The following COQ8B variants were observed in gnomAD, a reference collection of about 807,000 sequenced individuals.
COQ8B encodes coenzyme Q8B.
Under a neutral mutation model 62.0 loss-of-function variants are expected in COQ8B, and 44 were observed. That is an observed-to-expected ratio of 0.71 (90% CI 0.56 to 0.91). COQ8B has a LOEUF of 0.91. Ranked by LOEUF, COQ8B falls within the 40% of genes least tolerant of loss-of-function variation. COQ8B has a pLI of 0.00. For synonymous variants in COQ8B, 252 were observed against 289.9 expected (o/e 0.87, Z 1.33); for missense variants, 649 against 731.6 (o/e 0.89, Z 1.30).
At chr19:40,707,470 A>C (rs1373111602) in intron 5 of COQ8B, among the ~76,000 whole-genome samples, 1 of 146,642 alleles carries the variant, frequency 6.8e-6, no homozygotes, top group South Asian at 2.1e-4. Flanking sequence ...TTTTTTTTTG[A>C]AACAGTGTCT....
In COQ8B at chr19:40,710,148, GAGA is replaced by G. The variant is rs748172185; in HGVS notation, c.290-15_290-13del. 1.2e-6 allele frequency: 2 copies of G among 1,613,938 alleles called. No homozygotes were observed. Among genetic ancestry groups the G allele is most frequent in the Admixed American group, 1.7e-5 (1 of 60,014 alleles). On this transcript the variant is annotated splice_polypyrimidine_tract_variant and intron_variant, in intron 4 of 14. Coordinates refer to ENST00000324464, the MANE Select transcript of COQ8B (RefSeq NM_024876.4). ...GCCCACAGCCAGTCCTGGAGTGCAA[GAGA>G]AGAACATGAGTGCCCGTTTGCCTGG...
chr19:40,715,106 G>C (rs1285593974), intron 1 of COQ8B: 2 of 986,572 alleles, frequency 2.0e-6, no homozygotes, highest in Admixed American at 6.1e-5. Flanking sequence ...CTGTGCTTCC[G>C]GGAGCCTCTG....
chr19:40,695,687 T>G (rs995360027), intron 13 of COQ8B, among the ~76,000 whole-genome samples: 1 of 152,156 alleles, frequency 6.6e-6, no homozygotes, highest in African/African-American at 2.4e-5. Flanking sequence ...CCAAGTCTGC[T>G]GTGATCTTGG....
rs142015573 is a variant in COQ8B, at chr19:40,694,484, C to A, written c.1210-1447G>T. Among the ~76,000 whole-genome samples the A allele has an allele frequency of 6.1e-3, 926 of 152,352 alleles. 9 individuals are homozygous for A. The highest frequency in any genetic ancestry group is 0.023 in the South Asian group (109 of 4,832). On this transcript the variant is annotated intron_variant, in intron 13 of 14. Transcript: ENST00000324464. ...CCTCGTCACTGTGCTGCCCCCCGAC[C>A]TGCCCTCCCACTCAGAATGGGAGCT...
intron 5 of COQ8B, among the ~76,000 whole-genome samples, chr19:40,708,567 G>A (rs568117524): frequency 1.3e-5 from 2 of 152,068 alleles, no homozygotes; most frequent in South Asian, 2.1e-4. Context: ...TGGCAGAGTG[G>A]GGTGTAGACT....
intron 6 of COQ8B, 52 bp downstream of exon 6, chr19:40,705,273 G>A: frequency 6.3e-7 from 1 of 1,587,142 alleles, no homozygotes. Context: ...TTGGTGGGTA[G>A]GGCTGGGGTA....
At chr19:40,700,239 G>A (rs2082050636) in intron 11 of COQ8B, 65 bp from the exon 12 acceptor site, 1 of 1,612,246 alleles carries the variant, frequency 6.2e-7, no homozygotes, top group Non-Finnish European at 8.5e-7. Flanking sequence ...TGCTGGCCTG[G>A]AGAGAGACCA....
intron 6 of COQ8B, 66 bp from the exon 7 acceptor site, chr19:40,705,247 C>G: frequency 3.8e-6 from 6 of 1,594,268 alleles, no homozygotes; most frequent in Non-Finnish European, 5.1e-6. Context: ...GTGTGAGTAT[C>G]TGAAGTTGGG....
At chr19:40,692,440 G>A (rs2081980176) in intron 14 of COQ8B, 67 bp from the exon 15 acceptor site, 1 of 1,409,546 alleles carries the variant, frequency 7.1e-7, no homozygotes, top group Non-Finnish European at 9.8e-7. Context: ...GCATAACCCA[G>A]AAACAACGTG....
chr19:40,700,076 G>A lies in COQ8B; in HGVS notation c.1134C>T (p.Ser378=). 6.2e-7 allele frequency: 1 copy of A among 1,614,150 alleles called. No homozygotes were observed. The highest frequency in any genetic ancestry group is 1.1e-5 in the South Asian group (1 of 91,078). Reference sequence around the variant, plus strand: ...ATCACTAGGAACCAACCTGGTGGCTGGAGGCATCATACAGGAAGTTGGCCC... The same window carrying A: ...ATCACTAGGAACCAACCTGGTGGCTAGAGGCATCATACAGGAAGTTGGCCC... ...PNWANFLYDA[S]SHQVTLLDFG... The change falls in exon 12 of 15, where the codon TCC becomes TCT. Residue 378 remains serine (S), a synonymous_variant. Coordinates refer to ENST00000324464, the MANE Select transcript of COQ8B (RefSeq NM_024876.4).
chr19:40,703,435 C>T (rs896065988), intron 9 of COQ8B, 106 bp downstream of exon 9: 27 of 1,202,304 alleles, frequency 2.2e-5, no homozygotes, highest in African/African-American at 1.1e-4. Context: ...CCGCTCACAA[C>T]GCCAGCACAC....
intron 13 of COQ8B, 110 bp from the exon 14 acceptor site, chr19:40,693,147 G>A (rs918183666): frequency 6.9e-6 from 6 of 875,824 alleles, no homozygotes; most frequent in African/African-American, 1.7e-5. Context: ...ATTCTCATCT[G>A]CCTGGGCCCT....
rs146651257 is a variant in COQ8B at position 40,710,897 on chromosome 19, C to T, written c.290-761G>A. 3.3e-3 allele frequency among the ~76,000 whole-genome samples: 500 copies of T among 152,172 alleles called. 3 individuals are homozygous for T. The highest frequency in any genetic ancestry group is 0.011 in the African/African-American group (468 of 41,522). On this transcript the variant is annotated intron_variant, in intron 4 of 14. Coordinates refer to ENST00000324464, the MANE Select transcript of COQ8B (RefSeq NM_024876.4). ...CTATGATCCCAGCACTTTGGGAGGC[C>T]GAGGTGGGCAGATCATCTGAAGTCA...
intron 1 of COQ8B, chr19:40,715,246 T>C (rs1007338853): frequency 2.2e-5 from 22 of 985,670 alleles, no homozygotes; most frequent in Non-Finnish European, 2.7e-5. Context: ...GGAATTAAGG[T>C]GGGCATCGGG....
At chr19:40,695,177 G>T (rs1409757990) in intron 13 of COQ8B, among the ~76,000 whole-genome samples, 1 of 152,026 alleles carries the variant, frequency 6.6e-6, no homozygotes, top group Non-Finnish European at 1.5e-5. Context: ...AATTAGCCGG[G>T]CGTGGTGGCA....
intron 13 of COQ8B, among the ~76,000 whole-genome samples, chr19:40,694,755 T>C (rs2082000904): frequency 6.6e-6 from 1 of 152,160 alleles, no homozygotes; most frequent in Non-Finnish European, 1.5e-5. Flanking sequence ...CTCCGAGCCT[T>C]TTCCCAGTTG....
chr19:40,698,471 G>A (rs1172510449), intron 12 of COQ8B, among the ~76,000 whole-genome samples: 1 of 151,852 alleles, frequency 6.6e-6, no homozygotes, highest in Admixed American at 6.6e-5. Flanking sequence ...CCCAGAGGCA[G>A]AGGCTTCAGT....
At chr19:40,716,257 C>A (rs1257701969) in intron 1 of COQ8B, among the ~76,000 whole-genome samples, 3 of 152,182 alleles carry the variant, frequency 2.0e-5, no homozygotes, top group Non-Finnish European at 4.4e-5. Context: ...CCTCCTCTCC[C>A]CCTTCAGAGG....
chr19:40,713,930 G>C (rs2082163451), intron 4 of COQ8B, 137 bp downstream of exon 4: 1 of 879,102 alleles, frequency 1.1e-6, no homozygotes, highest in South Asian at 1.7e-5. Flanking sequence ...TCTTGGCCTT[G>C]CAGGCCCTTG....
Sources: allele counts gnomAD v4.1 joint callset (sites outside exome capture counted in the v4.1 genomes callset), GRCh38; gene constraint gnomAD v4.1.1; transcripts MANE v1.5; gene names NCBI Gene and HGNC (gene_info 2026-07-23, HGNC 2026-07-21).